Variants in DSCAML1 observed in about 807,000 individuals in gnomAD.
DSCAML1 encodes DS cell adhesion molecule like 1, also known as cell adhesion molecule DSCAML1.
Under a neutral mutation model 200.5 loss-of-function variants are expected in DSCAML1, and 38 were observed. The observed-to-expected ratio is 0.19, with a 90% CI of 0.15 to 0.25. The LOEUF is 0.25. Among genes scored for constraint, DSCAML1 ranks in the 10% least tolerant of loss-of-function variants. DSCAML1 has a pLI of 1.00. For synonymous variants in DSCAML1, 1,215 were observed against 1,165.0 expected (o/e 1.04, Z -0.87); for missense variants, 2,223 against 2,858.8 (o/e 0.78, Z 5.07).
chr11:117,587,950 G>A (rs2051182479), intron 3 of DSCAML1, among the ~76,000 whole-genome samples: 1 of 152,134 alleles, frequency 6.6e-6, no homozygotes, highest in South Asian at 2.1e-4. Context: ...CAGGGATTTG[G>A]TGATGCCATC....
intron 3 of DSCAML1, among the ~76,000 whole-genome samples, chr11:117,726,057 A>T (rs2054123779): frequency 6.6e-6 from 1 of 152,196 alleles, no homozygotes; most frequent in Non-Finnish European, 1.5e-5. Context: ...TCCCTGATGG[A>T]TCATCCCCAG....
At chr11:117,483,157 G>A (rs1352104320) in intron 11 of DSCAML1, among the ~76,000 whole-genome samples, 1 of 152,210 alleles carries the variant, frequency 6.6e-6, no homozygotes, top group East Asian at 1.9e-4. Context: ...GGGAAAAATG[G>A]TCTCAGCTGC....
At chr11:117,609,693 G>C (rs895730420) in intron 3 of DSCAML1, among the ~76,000 whole-genome samples, 2 of 151,862 alleles carry the variant, frequency 1.3e-5, no homozygotes, top group African/African-American at 4.8e-5. Context: ...TTTTTGTTTT[G>C]GGTGTTAGTA....
chr11:117,614,871 C>A lies in DSCAML1; in HGVS notation c.512-82349G>T, dbSNP rs1023154643. ...CACTATGCAAGATCCAGCATCTGCC[C>A]CCTCACAGTGTGGCCAACACTGCCC... On this transcript the variant is annotated intron_variant, in intron 3 of 32. Coordinates refer to ENST00000651296, the MANE Select transcript of DSCAML1 (RefSeq NM_020693.4). Among the ~76,000 whole-genome samples, 3 of 152,154 alleles carry A rather than the reference C, an allele frequency of 2.0e-5. No homozygotes were observed. In the South Asian group the frequency reaches 6.2e-4, roughly 32 times the overall value.
intron 20 of DSCAML1, among the ~76,000 whole-genome samples, chr11:117,444,539 GC>G: frequency 6.6e-6 from 1 of 152,202 alleles, no homozygotes; most frequent in Non-Finnish European, 1.5e-5. Flanking sequence ...CAGGCAGCAC[GC>G]CCGCCCGTCC....
Position 117,776,887 on chromosome 11 carries a change from C to T in DSCAML1, c.415G>A (p.Gly139Ser). 1 of 1,614,156 alleles carries T rather than the reference C, an allele frequency of 6.2e-7. No homozygotes were observed. The highest frequency in any genetic ancestry group is 8.5e-7 in the Non-Finnish European group (1 of 1,180,036). Residue 139 changes from glycine (G) to serine (S), a missense_variant, in exon 3 of 33, where the codon GGC becomes AGC. Physicochemically the swap from Gly to Ser is moderately conservative, Grantham distance 56. Around this residue, in one of 7 missense-constraint regions of DSCAML1, gnomAD observed 579 missense variants for 721.5 expected, o/e 0.80. Coordinates refer to ENST00000651296, the MANE Select transcript of DSCAML1 (RefSeq NM_020693.4). ...VRVEDQRSMR[G>S]NVAVFKCLIP... is the part of the protein sequence containing the mutation. ...AGGCACTTGAAGACGGCCACGTTGCCACGCATTGACCTTTGATCCTCCACC... is the reference window on the plus strand; with the variant it reads ...AGGCACTTGAAGACGGCCACGTTGCTACGCATTGACCTTTGATCCTCCACC...
chr11:117,499,548 C>T (rs2137265192), intron 11 of DSCAML1, among the ~76,000 whole-genome samples: 1 of 152,356 alleles, frequency 6.6e-6, no homozygotes, highest in Middle Eastern at 3.4e-3. Context: ...TCCGTAGAAG[C>T]AGGTTCTGGC....
At chr11:117,575,236 C>T (rs373809047) in intron 3 of DSCAML1, among the ~76,000 whole-genome samples, 11 of 152,286 alleles carry the variant, frequency 7.2e-5, no homozygotes, top group East Asian at 1.9e-4. Context: ...GAGAACAAGA[C>T]GCTCTGGGAC....
rs181586975 is a variant in DSCAML1, at chr11:117,465,193, G to A, written c.3025-11C>T. On this transcript the variant is annotated splice_polypyrimidine_tract_variant and intron_variant, in intron 16 of 32. Coordinates refer to ENST00000651296, the MANE Select transcript of DSCAML1 (RefSeq NM_020693.4). ...CTCCTTCTTGGGTGCCTGTGAGCAT[G>A]GGGTGGGGGTGGGCACAAAGAAATG... The A allele has an allele frequency of 3.5e-4, 563 of 1,610,204 alleles. 2 individuals are homozygous for A. The East Asian group carries it at 9.2e-3, about 26-fold the overall frequency.
rs1047830202 is a variant in DSCAML1 at position 117,758,550 on chromosome 11, T to C, written c.511+18241A>G. On this transcript the variant is annotated intron_variant, in intron 3 of 32. Transcript: ENST00000651296. ...CCGAGTAGCTGGGACTACAGGCGCCTACCACCACGTCCGGGTAATTTTTTT... is the reference window on the plus strand; with the variant it reads ...CCGAGTAGCTGGGACTACAGGCGCCCACCACCACGTCCGGGTAATTTTTTT... Among the ~76,000 whole-genome samples, 6 of 151,960 alleles carry C rather than the reference T, an allele frequency of 3.9e-5. No individual in the cohort carries two copies. In the East Asian group the frequency reaches 9.9e-4, roughly 25 times the overall value.
At chr11:117,679,441 T>C (rs910062203) in intron 3 of DSCAML1, among the ~76,000 whole-genome samples, 5 of 152,230 alleles carry the variant, frequency 3.3e-5, no homozygotes, top group African/African-American at 9.6e-5. Context: ...CACCAAGGGC[T>C]ATTTTGAAAC....
In DSCAML1 at chr11:117,718,674, C is replaced by A. The variant is rs201363898; in HGVS notation, c.511+58117G>T. ...CACAAGATGAATACTCAAAACCCCCCCCCCCCCCCATCATATGAGACCTTT... is the reference window on the plus strand; with the variant it reads ...CACAAGATGAATACTCAAAACCCCCACCCCCCCCCATCATATGAGACCTTT... On this transcript the variant is annotated intron_variant, in intron 3 of 32. Transcript: ENST00000651296. 3.0e-5 allele frequency among the ~76,000 whole-genome samples: 2 copies of A among 65,944 alleles called. 1 individual carries two copies. Among genetic ancestry groups the A allele is most frequent in the Non-Finnish European group, 6.9e-5 (2 of 28,928 alleles). 43.3% of individuals were successfully genotyped at this position (65,944 alleles called of 152,430 possible).
intron 14 of DSCAML1, among the ~76,000 whole-genome samples, chr11:117,479,991 G>A (rs987743605): frequency 1.3e-5 from 2 of 152,106 alleles, no homozygotes; most frequent in Admixed American, 6.5e-5. Flanking sequence ...CTTTTCCAGG[G>A]CCTCCTATCC....
At chr11:117,456,910 G>T (rs1420495716) in intron 19 of DSCAML1, among the ~76,000 whole-genome samples, 2 of 151,976 alleles carry the variant, frequency 1.3e-5, no homozygotes, top group Non-Finnish European at 1.5e-5. Flanking sequence ...CCTGACCTTA[G>T]GTGATCCACC....
intron 3 of DSCAML1, among the ~76,000 whole-genome samples, chr11:117,678,344 G>T (rs1307843007): frequency 6.6e-6 from 1 of 152,232 alleles, no homozygotes; most frequent in Middle Eastern, 3.2e-3. Flanking sequence ...TTTTGATTTA[G>T]ATTTGTGAAC....
At chr11:117,502,551 C>A (rs1344991351) in intron 11 of DSCAML1, among the ~76,000 whole-genome samples, 2 of 152,150 alleles carry the variant, frequency 1.3e-5, no homozygotes, top group South Asian at 4.2e-4. Flanking sequence ...CCCTGAGCAT[C>A]GATCGCTGGG....
intron 4 of DSCAML1, among the ~76,000 whole-genome samples, chr11:117,526,961 G>A (rs949151351): frequency 1.8e-4 from 27 of 152,118 alleles, no homozygotes; most frequent in Non-Finnish European, 5.9e-5. Flanking sequence ...AACACAGTGA[G>A]ATCCCATGTC....
intron 3 of DSCAML1, among the ~76,000 whole-genome samples, chr11:117,639,526 A>T (rs1285650064): frequency 6.6e-6 from 1 of 151,210 alleles, no homozygotes; most frequent in Non-Finnish European, 1.5e-5. Flanking sequence ...ATGAAAAGAG[A>T]TCTAAAAGTC....
chr11:117,634,136 C>T (rs1054615574), intron 3 of DSCAML1, among the ~76,000 whole-genome samples: 3 of 152,244 alleles, frequency 2.0e-5, no homozygotes, highest in East Asian at 1.9e-4. Flanking sequence ...AGAGGGGGAC[C>T]GGACTGTCAC....
Sources: gnomAD v4.1 joint callset for allele counts (sites outside exome capture counted in the v4.1 genomes callset) on GRCh38, gnomAD v4.1.1 for gene constraint, gnomAD v4.1.1 regional missense constraint, MANE v1.5 for transcripts, NCBI Gene and HGNC (gene_info 2026-07-23, HGNC 2026-07-21) for gene names.